Variants in DOCK3 observed in about 807,000 individuals in gnomAD.
DOCK3 encodes dedicator of cytokinesis protein 3.
A neutral mutation model predicts 265.6 loss-of-function variants in DOCK3; 60 were observed. That is an observed-to-expected ratio of 0.23 (90% CI 0.18 to 0.28). The LOEUF is 0.28. Among genes scored for constraint, DOCK3 ranks in the 10% least tolerant of loss-of-function variants. DOCK3 has a pLI of 1.00. For missense variants in DOCK3, 1,981 were observed against 2,594.3 expected (o/e 0.76, Z 5.14); for synonymous variants, 881 against 938.0 (o/e 0.94, Z 1.11).
At chr3:50,694,434 A>G (rs1182603502) in intron 1 of DOCK3, among the ~76,000 whole-genome samples, 2 of 152,204 alleles carry the variant, frequency 1.3e-5, no homozygotes, top group African/African-American at 2.4e-5. Context: ...TTTTAGTTCA[A>G]TAGGGTATTC....
At chr3:51,290,548 G>A (rs543386821) in intron 27 of DOCK3, among the ~76,000 whole-genome samples, 1 of 152,170 alleles carries the variant, frequency 6.6e-6, no homozygotes, top group African/African-American at 2.4e-5. Flanking sequence ...GGTTGGGGGA[G>A]AGGGGAGGGA....
rs578239893 is a variant in DOCK3, at chr3:50,916,870, T to A, written c.219-17111T>A. 4.0e-5 allele frequency among the ~76,000 whole-genome samples: 6 copies of A among 150,230 alleles called. No individual in the cohort carries two copies. In the East Asian group the frequency reaches 9.8e-4, roughly 24 times the overall value. On this transcript the variant is annotated intron_variant, in intron 4 of 52. Coordinates refer to ENST00000266037, the MANE Select transcript of DOCK3 (RefSeq NM_004947.5). ...TCAAAAAAAAAAAAAAAAAAAGTAG[T>A]TGTCTTATAATTGTTTTGGCTCCCT...
At chr3:51,191,655 T>C (rs1047826862) in intron 12 of DOCK3, among the ~76,000 whole-genome samples, 2 of 152,142 alleles carry the variant, frequency 1.3e-5, no homozygotes, top group Non-Finnish European at 1.5e-5. Flanking sequence ...TTAAAGGGTC[T>C]GTGGTTTCTT....
chr3:51,151,914 C>G (rs1236813542), intron 10 of DOCK3, among the ~76,000 whole-genome samples: 3 of 152,108 alleles, frequency 2.0e-5, no homozygotes, highest in Non-Finnish European at 2.9e-5. Flanking sequence ...TTTTCTCTCT[C>G]GCTGCCCTTA....
intron 4 of DOCK3, among the ~76,000 whole-genome samples, chr3:50,912,512 G>T (rs564069291): frequency 2.0e-5 from 3 of 152,128 alleles, no homozygotes; most frequent in Non-Finnish European, 4.4e-5. Context: ...CCAGGCCTGT[G>T]TCCTTCCCTT....
At chr3:50,932,010 G>A (rs2051094458) in intron 4 of DOCK3, among the ~76,000 whole-genome samples, 1 of 152,150 alleles carries the variant, frequency 6.6e-6, no homozygotes, top group Non-Finnish European at 1.5e-5. Context: ...TTGTCCATAA[G>A]TTGTGGTCAA....
chr3:51,083,412 C>G (rs942976498), intron 7 of DOCK3, among the ~76,000 whole-genome samples: 7 of 151,990 alleles, frequency 4.6e-5, no homozygotes, highest in African/African-American at 1.2e-4. Context: ...ATGACACTTC[C>G]AAACAAAGAC....
At chr3:50,687,109 C>T (rs2034877853) in intron 1 of DOCK3, among the ~76,000 whole-genome samples, 1 of 147,768 alleles carries the variant, frequency 6.8e-6, no homozygotes, top group South Asian at 2.2e-4. Context: ...ACTCGGGAGG[C>T]TGAGGCTGAG....
intron 49 of DOCK3, among the ~76,000 whole-genome samples, chr3:51,363,811 T>C (rs896897664): frequency 1.3e-5 from 2 of 152,382 alleles, no homozygotes; most frequent in Non-Finnish European, 2.9e-5. Flanking sequence ...ACAAAGGACA[T>C]GAACTCATCC....
chr3:50,798,800 G>A (rs1305263486), intron 2 of DOCK3, among the ~76,000 whole-genome samples: 1 of 151,964 alleles, frequency 6.6e-6, no homozygotes, highest in Non-Finnish European at 1.5e-5. Context: ...TCTTTGTGTA[G>A]ACCAATGTCC....
intron 14 of DOCK3, among the ~76,000 whole-genome samples, chr3:51,218,417 G>C (rs1473811876): frequency 6.6e-6 from 1 of 152,162 alleles, no homozygotes; most frequent in Non-Finnish European, 1.5e-5. Context: ...CTGTGTGACA[G>C]AGCAGAATCT....
At chr3:51,257,101 A>G (rs2079589771) in intron 22 of DOCK3, among the ~76,000 whole-genome samples, 1 of 152,236 alleles carries the variant, frequency 6.6e-6, no homozygotes, top group Non-Finnish European at 1.5e-5. Context: ...AGGGAGAAGG[A>G]AGAATTCCCT....
intron 23 of DOCK3, among the ~76,000 whole-genome samples, chr3:51,264,835 A>AATAAATAAATAAATAAATAG (rs1425933151): frequency 6.6e-6 from 1 of 150,644 alleles, no homozygotes; most frequent in Non-Finnish European, 1.5e-5. Context: ...TCAAAAAATA[A>AATAAATAAATAAATAAATAG]ATAAATAAAT....
intron 14 of DOCK3, among the ~76,000 whole-genome samples, chr3:51,218,697 A>G (rs1452583658): frequency 6.6e-6 from 1 of 152,220 alleles, no homozygotes; most frequent in Non-Finnish European, 1.5e-5. Context: ...CAAATTACAT[A>G]TTAAATGGTT....
intron 5 of DOCK3, among the ~76,000 whole-genome samples, chr3:50,945,493 A>AT (rs1346299876): frequency 2.0e-5 from 3 of 152,116 alleles, no homozygotes; most frequent in African/African-American, 7.2e-5. Flanking sequence ...ATTATGTTTT[A>AT]TTTTTTAAAG....
At chr3:51,211,532 C>G (rs575948802) in intron 13 of DOCK3, among the ~76,000 whole-genome samples, 1 of 151,918 alleles carries the variant, frequency 6.6e-6, no homozygotes, top group Non-Finnish European at 1.5e-5. Context: ...CACAGCAGGC[C>G]CCGGTGTGTG....
intron 10 of DOCK3, among the ~76,000 whole-genome samples, chr3:51,153,920 G>A (rs2085729155): frequency 6.6e-6 from 1 of 152,166 alleles, no homozygotes; most frequent in Non-Finnish European, 1.5e-5. Flanking sequence ...AACCAGTTTT[G>A]ATTATTGTGG....
chr3:50,766,409 C>G (rs2040878939), intron 1 of DOCK3, among the ~76,000 whole-genome samples: 2 of 151,660 alleles, frequency 1.3e-5, no homozygotes, highest in South Asian at 2.1e-4. Flanking sequence ...TGCTGAGAAT[C>G]TTGGTTTCCA....
intron 1 of DOCK3, among the ~76,000 whole-genome samples, chr3:50,765,080 T>C (rs994201171): frequency 2.2e-5 from 3 of 136,560 alleles, no homozygotes; most frequent in Non-Finnish European, 4.7e-5. Flanking sequence ...AGGTTTTTTT[T>C]TTTTTTTTTT....
Sources: gnomAD v4.1 joint callset for allele counts (sites outside exome capture counted in the v4.1 genomes callset) on GRCh38, gnomAD v4.1.1 for gene constraint, MANE v1.5 for transcripts, NCBI Gene and HGNC (gene_info 2026-07-23, HGNC 2026-07-21) for gene names.